Variants in LMO1 observed in about 807,000 individuals in gnomAD.
The protein encoded by LMO1 is LIM domain only 1.
A neutral mutation model predicts 18.0 loss-of-function variants in LMO1; 10 were observed. The ratio of observed to expected loss-of-function variants is 0.55; its 90% CI spans 0.34 to 0.94. LMO1 has a LOEUF of 0.94. LMO1 is among the 40% of genes least tolerant of loss of function. The pLI is 0.02. For missense variants in LMO1, 183 were observed against 205.7 expected (o/e 0.89, Z 0.68); for synonymous variants, 77 against 77.9 (o/e 0.99, Z 0.06).
chr11:8,248,068 T>C (rs1261991905), intron 1 of LMO1, among the ~76,000 whole-genome samples: 1 of 152,182 alleles, frequency 6.6e-6, no homozygotes, highest in East Asian at 1.9e-4. Flanking sequence ...AGTTAAGTGG[T>C]TTGCCCAATA....
At chr11:8,253,924 C>T (rs1847047044) in intron 1 of LMO1, among the ~76,000 whole-genome samples, 1 of 152,124 alleles carries the variant, frequency 6.6e-6, no homozygotes, top group Non-Finnish European at 1.5e-5. Flanking sequence ...TGAGGGCCGA[C>T]AGAATGCCTC....
intron 1 of LMO1, among the ~76,000 whole-genome samples, chr11:8,261,298 C>A (rs1312043050): frequency 1.3e-5 from 2 of 152,170 alleles, no homozygotes; most frequent in African/African-American, 2.4e-5. Flanking sequence ...CTAGCAGAAA[C>A]CAGAAGAAAC....
intron 1 of LMO1, among the ~76,000 whole-genome samples, chr11:8,247,915 T>C (rs949921457): frequency 1.4e-4 from 22 of 152,240 alleles, no homozygotes; most frequent in Non-Finnish European, 1.5e-5. Flanking sequence ...ATGTAGCCAC[T>C]GTGTTCTCAC....
intron 1 of LMO1, among the ~76,000 whole-genome samples, chr11:8,233,235 G>T (rs1046273953): frequency 1.3e-5 from 2 of 151,562 alleles, no homozygotes; most frequent in Non-Finnish European, 2.9e-5. Context: ...TGGCTGAGAA[G>T]GCCCCAGAGC....
chr11:8,241,593 C>T (rs371551699), intron 1 of LMO1, among the ~76,000 whole-genome samples: 4 of 152,318 alleles, frequency 2.6e-5, no homozygotes, highest in East Asian at 3.9e-4. Flanking sequence ...CTTCCCAGAA[C>T]ACCCTTCCCT....
intron 1 of LMO1, among the ~76,000 whole-genome samples, chr11:8,257,806 A>G (rs1847122744): frequency 1.3e-5 from 2 of 152,372 alleles, no homozygotes; most frequent in South Asian, 4.1e-4. Flanking sequence ...ACCATGATAA[A>G]TAAACTGGCA....
chr11:8,235,589 G>C (rs563731489), intron 1 of LMO1, among the ~76,000 whole-genome samples: 1 of 152,052 alleles, frequency 6.6e-6, no homozygotes, highest in Non-Finnish European at 1.5e-5. Flanking sequence ...GCCCTGCATC[G>C]CATTCAGTTG....
At chr11:8,260,315 G>T (rs1291825917) in intron 1 of LMO1, among the ~76,000 whole-genome samples, 1 of 152,176 alleles carries the variant, frequency 6.6e-6, no homozygotes, top group Non-Finnish European at 1.5e-5. Context: ...GGTGCCAGGG[G>T]AAGAAGGGCT....
At chr11:8,240,039 T>C (rs1273271636) in intron 1 of LMO1, among the ~76,000 whole-genome samples, 2 of 152,120 alleles carry the variant, frequency 1.3e-5, no homozygotes, top group African/African-American at 2.4e-5. Context: ...CCAGGAGGCA[T>C]CCACACCCTG....
At chr11:8,259,522 A>T (rs1847152249) in intron 1 of LMO1, among the ~76,000 whole-genome samples, 1 of 152,182 alleles carries the variant, frequency 6.6e-6, no homozygotes, top group Admixed American at 6.5e-5. Context: ...GCAAGTGCAC[A>T]ATTTGGTCCC....
chr11:8,225,404 CAAAA>C (rs34847129), intron 3 of LMO1, among the ~76,000 whole-genome samples: 3,556 of 33,550 alleles, frequency 0.11, 45 homozygotes, highest in East Asian at 0.4. Context: ...GACTCCATCT[CAAAA>C]AAAAAAAAAA....
Position 8,263,384 on chromosome 11 carries a change from C to A in LMO1, c.-22G>T, listed in dbSNP as rs1565190161. ...TCATCTCGGGCGCTCCGTGTCCAGCCGCAGCTAGGCTCGGCCGGGAGAAGG... is the reference window on the plus strand; with the variant it reads ...TCATCTCGGGCGCTCCGTGTCCAGCAGCAGCTAGGCTCGGCCGGGAGAAGG... On this transcript the variant is annotated 5_prime_UTR_variant, in exon 1 of 4. Coordinates refer to ENST00000335790, the MANE Select transcript of LMO1 (RefSeq NM_002315.3). 2 of 1,602,048 alleles carry A rather than the reference C, an allele frequency of 1.2e-6. No homozygotes were observed. Among genetic ancestry groups the A allele is most frequent in the Non-Finnish European group, 8.5e-7 (1 of 1,177,680 alleles).
intron 1 of LMO1, among the ~76,000 whole-genome samples, chr11:8,248,879 G>C (rs1446849546): frequency 2.0e-5 from 3 of 152,132 alleles, no homozygotes. Flanking sequence ...CCCTCCCTCA[G>C]AGCCTAGAAA....
At chr11:8,248,321 G>A (rs957397030) in intron 1 of LMO1, among the ~76,000 whole-genome samples, 9 of 152,258 alleles carry the variant, frequency 5.9e-5, no homozygotes, top group Non-Finnish European at 1.2e-4. Context: ...CCATGGAAGG[G>A]AGGGCAGGAT....
upstream of LMO1, chr11:8,268,425 A>G: frequency 6.8e-7 from 1 of 1,469,354 alleles, no homozygotes; most frequent in Non-Finnish European, 9.0e-7. Flanking sequence ...CCGGGCACCT[A>G]CCGTCCTCCT....
At chr11:8,264,863 C>G (rs1488659571), upstream of LMO1, among the ~76,000 whole-genome samples, 1 of 152,190 alleles carries the variant, frequency 6.6e-6, no homozygotes, top group East Asian at 1.9e-4. Flanking sequence ...GAACTCCTGA[C>G]CTCGTGATCC....
rs34847129 is a variant in LMO1 at position 8,225,404 on chromosome 11, CAAAAA to C, written c.366-688_366-684del. Among the ~76,000 whole-genome samples the C allele has an allele frequency of 1.5e-3, 53 of 34,714 alleles. No homozygotes were observed. In the East Asian group the frequency reaches 0.025, roughly 17 times the overall value. 22.8% of individuals were successfully genotyped at this position (34,714 alleles called of 152,430 possible). On this transcript the variant is annotated intron_variant, in intron 3 of 3. Transcript: ENST00000335790. The stretch of plus-strand genomic sequence containing the variant: ...TGGGCGACAGAGTAAGACTCCATCT[CAAAAA>C]AAAAAAAAAAAAAAAAAAAAAAAGG...
intron 1 of LMO1, among the ~76,000 whole-genome samples, chr11:8,248,300 C>T (rs1017359589): frequency 5.3e-5 from 8 of 152,186 alleles, no homozygotes; most frequent in African/African-American, 1.4e-4. Flanking sequence ...AGAGTGAGTC[C>T]GAAGCCTTTG....
chr11:8,258,636 T>C (rs1847136962), intron 1 of LMO1, among the ~76,000 whole-genome samples: 1 of 152,088 alleles, frequency 6.6e-6, no homozygotes, highest in African/African-American at 2.4e-5. Context: ...GTTCCTTAAA[T>C]GGAAGCTTAT....
Sources: allele counts gnomAD v4.1 joint callset (sites outside exome capture counted in the v4.1 genomes callset), GRCh38; gene constraint gnomAD v4.1.1; transcripts MANE v1.5; gene names NCBI Gene and HGNC (gene_info 2026-07-23, HGNC 2026-07-21).